CHD8: variants seen among roughly 807,000 people sequenced by gnomAD.
The protein encoded by CHD8 is chromodomain helicase DNA binding protein 8, also known as ATP-dependent chromatin remodeler CHD8.
A neutral mutation model predicts 279.2 loss-of-function variants in CHD8; 31 were observed. That is an observed-to-expected ratio of 0.11 (90% confidence interval 0.08 to 0.15). The LOEUF (loss-of-function observed/expected upper bound fraction) is 0.15. Among genes scored for constraint, CHD8 ranks in the 10% least tolerant of loss-of-function variants. The probability of loss-of-function intolerance (pLI) is 1.00; values close to 1 mark genes in which losing one functional copy is unlikely to be tolerated. For missense variants in CHD8, 2,146 were observed against 3,230.5 expected, an observed-to-expected ratio of 0.66 and a Z score of 8.14; for synonymous variants, 1,081 against 1,139.6, an observed-to-expected ratio of 0.95 and a Z score of 1.04.
intron 1 of CHD8, among the ~76,000 whole-genome samples, chr14:21,452,257 T>C (rs949280903): frequency 3.9e-5 from 6 of 152,022 alleles, no homozygotes; most frequent in African/African-American, 1.4e-4. Context: ...TTGGCTAGGA[T>C]GCCCGCCTTG....
In CHD8 at chr14:21,385,746, T is replaced by G; in HGVS notation, c.7613A>C (p.Glu2538Ala). Reference protein sequence around the residue: ...TLRLPPLQPEEDDDEDEEDDD... With the variant: ...TLRLPPLQPEADDDEDEEDDD... ...ATCTTCTTCATCCTCATCGTCATCCTCCTCAGGTTGCAGTGGTGGCAACCG... is the reference window on the plus strand; with the variant it reads ...ATCTTCTTCATCCTCATCGTCATCCGCCTCAGGTTGCAGTGGTGGCAACCG... Residue 2538 changes from glutamate to alanine, a missense_variant, in exon 38 of 38, where the codon GAG becomes GCG. By Grantham distance (107) the Glu-to-Ala change is moderately radical (BLOSUM62 -1). Transcript: ENST00000646647. The G allele has an allele frequency of 6.4e-7, 1 of 1,551,374 alleles. No homozygotes were observed. Among genetic ancestry groups the G allele is most frequent in the Non-Finnish European group, 8.7e-7 (1 of 1,146,942 alleles).
Position 21,403,314 on chromosome 14 carries a change from C to G in CHD8, c.3519-102G>C. 17 of 1,325,862 alleles carry G rather than the reference C, an allele frequency of 1.3e-5. No individual in the cohort carries two copies. Among genetic ancestry groups the G allele is most frequent in the Non-Finnish European group, 1.7e-5 (16 of 962,388 alleles). The allele number at this position is 1,325,862 out of a possible 1,614,324, so 82.1% of individuals were successfully genotyped here. On this transcript the variant is annotated intron_variant, in intron 17 of 37. Transcript: ENST00000646647. This position sits in a 1 kb window ranked among gnomAD's most constrained non-coding sequence, Gnocchi z 4.3. ...CCAGTACTCCCATATCAAAGCTGGTCAAAAACCCAAGTTGAGAGTGAGAAT... is the reference window on the plus strand; with the variant it reads ...CCAGTACTCCCATATCAAAGCTGGTGAAAAACCCAAGTTGAGAGTGAGAAT...
chr14:21,450,697 C>T (rs921128627), intron 1 of CHD8, among the ~76,000 whole-genome samples: 4 of 151,618 alleles, frequency 2.6e-5, no homozygotes, highest in Non-Finnish European at 5.9e-5. Context: ...AAAAAAAAAG[C>T]GTAAGACCTT....
Position 21,394,490 on chromosome 14 carries a change from A to G in CHD8, c.5391-5T>C. 6.3e-7 allele frequency: 1 copy of G among 1,579,066 alleles called. No individual in the cohort carries two copies. On this transcript the variant is annotated splice_polypyrimidine_tract_variant and splice_region_variant and intron_variant, in intron 30 of 37. Transcript: ENST00000646647. ...GTTTGTTCACGCCTTGTCCATCTAC[A>G]AAAGGAAAAGTAGGGCAACAATAAT...
At position 21,400,569 on chromosome 14, in the gene CHD8, G is replaced by T. The variant is rs991738444; in HGVS notation, c.4414C>A (p.Arg1472=). Residue 1472 remains arginine (R), a synonymous_variant, in exon 23 of 38, where the codon CGA becomes AGA. Transcript: ENST00000646647. This position sits in a 1 kb window ranked among gnomAD's most constrained non-coding sequence, Gnocchi z 4.2. The part of the protein sequence containing the change: ...RDILSHGRFK[R]RMTERDVETI... ...TCCACATCTCGTTCAGTCATACGTC[G>T]CTTGAAGCGTCCATGAGATAAAATA... is the stretch of plus-strand genomic sequence containing the variant. 1.0e-5 allele frequency: 16 copies of T among 1,601,582 alleles called. No homozygotes were observed. Among genetic ancestry groups the T allele is most frequent in the African/African-American group, 4.1e-5 (3 of 73,966 alleles).
chr14:21,418,086 A>G (rs1250718050), intron 5 of CHD8, among the ~76,000 whole-genome samples: 1 of 152,048 alleles, frequency 6.6e-6, no homozygotes, highest in East Asian at 1.9e-4. Context: ...AGAAAAAAAT[A>G]AACTACTCAT....
chr14:21,440,736 G>T (rs1000044155), intron 1 of CHD8, among the ~76,000 whole-genome samples: 1 of 152,192 alleles, frequency 6.6e-6, no homozygotes, highest in Non-Finnish European at 1.5e-5. Flanking sequence ...GAAGGGACAG[G>T]TAAGGGCCAG....
chr14:21,452,751 C>A (rs943388315), intron 1 of CHD8, among the ~76,000 whole-genome samples: 1 of 151,632 alleles, frequency 6.6e-6, no homozygotes, highest in Admixed American at 6.6e-5. Flanking sequence ...TTTGGGTGGC[C>A]GAGACAGGCC....
rs1887970964 is a variant in CHD8 at position 21,400,246 on chromosome 14, A to G, written c.4632T>C (p.Phe1544=). The G allele has an allele frequency of 6.2e-7, 1 of 1,613,842 alleles. No homozygotes were observed. The highest frequency in any genetic ancestry group is 1.7e-5 in the Admixed American group (1 of 59,986). Residue 1544 remains phenylalanine (F), a synonymous_variant, in exon 24 of 38, where the codon TTT becomes TTC. Transcript: ENST00000646647. The surrounding 1 kb of genome is among the most constrained non-coding windows in gnomAD (Gnocchi z 4.2). ...KGKKVKSQST[F]DIHKADWIRK... is the part of the protein sequence containing the mutation. Reference sequence around the variant, plus strand: ...GGATCCAATCTGCCTTATGGATATCAAAAGTGCTTTGTGACTTTACTTTTT... The same window carrying G: ...GGATCCAATCTGCCTTATGGATATCGAAAGTGCTTTGTGACTTTACTTTTT...
chr14:21,447,578 G>C (rs1890158603), intron 1 of CHD8, among the ~76,000 whole-genome samples: 1 of 152,012 alleles, frequency 6.6e-6, no homozygotes, highest in Non-Finnish European at 1.5e-5. Context: ...AACCATATTG[G>C]TCAGGCTGCT....
At chr14:21,454,612 G>C (rs1215105866) in intron 1 of CHD8, among the ~76,000 whole-genome samples, 1 of 152,174 alleles carries the variant, frequency 6.6e-6, no homozygotes, top group Non-Finnish European at 1.5e-5. Context: ...ACAAGCGTGA[G>C]CCACTATTTC....
At chr14:21,418,823 A>T (rs1056484188) in intron 5 of CHD8, among the ~76,000 whole-genome samples, 2 of 152,208 alleles carry the variant, frequency 1.3e-5, no homozygotes, top group Non-Finnish European at 2.9e-5. Context: ...TCCGTCTCAA[A>T]AAATAAATAA....
intron 2 of CHD8, chr14:21,429,823 T>A (rs1002391963): frequency 1.3e-5 from 3 of 232,120 alleles, no homozygotes; most frequent in Non-Finnish European, 2.6e-5. Flanking sequence ...TTATTTTGCT[T>A]TTTTGTAGAG....
intron 7 of CHD8, 175 bp from the exon 8 acceptor site, chr14:21,415,168 G>A: frequency 3.4e-6 from 2 of 585,020 alleles, no homozygotes; most frequent in Admixed American, 3.1e-5. Flanking sequence ...GCTGGAAAAA[G>A]TAAGCCTTTA....
Position 21,400,384 on chromosome 14 carries a change from AAAACAT to A in CHD8, c.4570+23_4570+28del. ...GAAAAGGATTAGATTAACCTATAGAAAAACATAAAGTAAAGAGTTGATAATTACCTG... is the reference window on the plus strand; with the variant it reads ...GAAAAGGATTAGATTAACCTATAGAAAAAGTAAAGAGTTGATAATTACCTG... On this transcript the variant is annotated intron_variant, in intron 23 of 37. Transcript: ENST00000646647. This position sits in a 1 kb window ranked among gnomAD's most constrained non-coding sequence, Gnocchi z 4.2. 6.3e-7 allele frequency: 1 copy of A among 1,598,146 alleles called. No homozygotes were observed. Among genetic ancestry groups the A allele is most frequent in the Non-Finnish European group, 8.5e-7 (1 of 1,175,134 alleles).
intron 5 of CHD8, among the ~76,000 whole-genome samples, chr14:21,423,542 G>A (rs1054694408): frequency 6.6e-6 from 1 of 151,840 alleles, no homozygotes; most frequent in Non-Finnish European, 1.5e-5. Context: ...GGCGGGGGGA[G>A]TCAGGGGGTG....
rs374081221 is a variant in CHD8, at chr14:21,405,509, C to G, written c.3052-45G>C. On this transcript the variant is annotated intron_variant, in intron 15 of 37. Coordinates refer to ENST00000646647, the MANE Select transcript of CHD8 (RefSeq NM_001170629.2). This position sits in a 1 kb window ranked among gnomAD's most constrained non-coding sequence, Gnocchi z 4.2. ...GAAAAATAAATCAATAAGATGAGGG[C>G]GAACATTCTCACATTATGTAGAAAC... The G allele has an allele frequency of 1.3e-6, 2 of 1,580,362 alleles. No individual in the cohort carries two copies. The highest frequency in any genetic ancestry group is 1.7e-6 in the Non-Finnish European group (2 of 1,163,754).
chr14:21,400,191 C>G lies in CHD8; in HGVS notation c.4687G>C (p.Asp1563His). 1 of 1,613,928 alleles carries G rather than the reference C, an allele frequency of 6.2e-7. No individual in the cohort carries two copies. The highest frequency in any genetic ancestry group is 8.5e-7 in the Non-Finnish European group (1 of 1,179,874). The change falls in exon 24 of 38, where the codon GAT becomes CAT. Residue 1563 changes from aspartate to histidine, a missense_variant. This residue lies in a region of CHD8 where 73 missense variants were observed against 153.2 expected (regional missense o/e 0.48). Transcript: ENST00000646647. This position sits in a 1 kb window ranked among gnomAD's most constrained non-coding sequence, Gnocchi z 4.2. The stretch of plus-strand genomic sequence containing the variant: ...TTCAAGTGCTTCTTATAACTTTCAT[C>G]TTGGAACAAAGTGTCAGGGTTATAT... Reference protein sequence around the residue: ...RKYNPDTLFQDESYKKHLKHQ... With the variant: ...RKYNPDTLFQHESYKKHLKHQ...
rs189186469 is a variant in CHD8, at chr14:21,415,444, C to T, written c.1968+130G>A. 75 of 446,586 alleles carry T rather than the reference C, an allele frequency of 1.7e-4. No homozygotes were observed. In the Middle Eastern group the frequency reaches 3.5e-3, roughly 21 times the overall value. 27.7% of individuals were successfully genotyped at this position (446,586 alleles called of 1,614,324 possible). ...AAGCCCAGAAGTTCATAGTGTGCTACGATCATATCTATGAATAGCCACTGC... is the reference window on the plus strand; with the variant it reads ...AAGCCCAGAAGTTCATAGTGTGCTATGATCATATCTATGAATAGCCACTGC... On this transcript the variant is annotated intron_variant, in intron 7 of 37. Transcript: ENST00000646647.
Sources: allele counts gnomAD v4.1 joint callset (sites outside exome capture counted in the v4.1 genomes callset), GRCh38; gene constraint gnomAD v4.1.1; regional missense constraint gnomAD v4.1.1; non-coding constraint Gnocchi (gnomAD v3.1); transcripts MANE v1.5; gene names NCBI Gene and HGNC (gene_info 2026-07-23, HGNC 2026-07-21).